TNFRSF10D: variants seen among roughly 807,000 people sequenced by gnomAD.
TNFRSF10D encodes tumor necrosis factor receptor superfamily member 10D.
TNFRSF10D carries 28 observed loss-of-function variants against 42.1 expected under a neutral mutation model. That is an observed-to-expected ratio of 0.66 (90% CI 0.49 to 0.91). The LOEUF is 0.91. Among genes scored for constraint, TNFRSF10D ranks in the 40% least tolerant of loss-of-function variants. TNFRSF10D has a pLI of 0.00. For synonymous variants in TNFRSF10D, 186 were observed against 189.4 expected (o/e 0.98, Z 0.15); for missense variants, 503 against 486.1 (o/e 1.03, Z -0.33).
At chr8:23,161,509 GGCA>G (rs1252406233) in intron 1 of TNFRSF10D, among the ~76,000 whole-genome samples, 845 of 152,036 alleles carry the variant, frequency 5.6e-3, no homozygotes, top group African/African-American at 0.018. Context: ...TTACAGGCGT[GGCA>G]GGTGGCAGGG....
intron 7 of TNFRSF10D, among the ~76,000 whole-genome samples, chr8:23,140,113 C>T (rs1380074776): frequency 2.0e-5 from 3 of 152,082 alleles, no homozygotes; most frequent in East Asian, 3.9e-4. Flanking sequence ...CACGGTGAAA[C>T]CCCACCTCTA....
At chr8:23,150,965 C>T (rs1436960925) in intron 2 of TNFRSF10D, among the ~76,000 whole-genome samples, 1 of 151,966 alleles carries the variant, frequency 6.6e-6, no homozygotes, top group Admixed American at 6.6e-5. Context: ...CAAGGAGCAT[C>T]AGAGAAAGTG....
At chr8:23,158,348 C>T (rs1800309960) in intron 1 of TNFRSF10D, among the ~76,000 whole-genome samples, 1 of 152,200 alleles carries the variant, frequency 6.6e-6, no homozygotes, top group Admixed American at 6.5e-5. Flanking sequence ...ACAAAATCAA[C>T]TTCATGTGAT....
chr8:23,142,402 G>T (rs1418868708), intron 7 of TNFRSF10D, among the ~76,000 whole-genome samples: 1 of 152,086 alleles, frequency 6.6e-6, no homozygotes, highest in Non-Finnish European at 1.5e-5. Flanking sequence ...TACACCATAG[G>T]TTACCACACA....
intron 7 of TNFRSF10D, among the ~76,000 whole-genome samples, chr8:23,139,481 G>A (rs149598407): frequency 1.6e-4 from 24 of 152,234 alleles, no homozygotes; most frequent in African/African-American, 5.3e-4. Context: ...AGAGGTGTTT[G>A]CTCTTTTGGA....
chr8:23,161,581 C>T (rs1432042044), intron 1 of TNFRSF10D, among the ~76,000 whole-genome samples: 1 of 152,208 alleles, frequency 6.6e-6, no homozygotes, highest in Non-Finnish European at 1.5e-5. Context: ...GTCTTCCCTG[C>T]CACCCTCCCC....
chr8:23,152,896 A>G (rs1360770344), intron 2 of TNFRSF10D, among the ~76,000 whole-genome samples: 906 of 152,200 alleles, frequency 6.0e-3, no homozygotes, highest in African/African-American at 0.019. Context: ...ACCACAAAAG[A>G]CCTCAAATAG....
intron 1 of TNFRSF10D, among the ~76,000 whole-genome samples, chr8:23,156,931 T>C (rs1250898737): frequency 1.3e-5 from 2 of 152,230 alleles, no homozygotes; most frequent in African/African-American, 4.8e-5. Flanking sequence ...CCTTGTTACT[T>C]TGGTTTAAAT....
chr8:23,149,997 T>A (rs989926065), intron 2 of TNFRSF10D, among the ~76,000 whole-genome samples: 1 of 152,046 alleles, frequency 6.6e-6, no homozygotes, highest in Admixed American at 6.5e-5. Context: ...CATGTCCCTA[T>A]GGAATAAAGA....
intron 2 of TNFRSF10D, among the ~76,000 whole-genome samples, chr8:23,149,365 G>A (rs1275737536): frequency 6.6e-6 from 1 of 151,354 alleles, no homozygotes; most frequent in East Asian, 2.0e-4. Context: ...AGCCTCCTGA[G>A]TAGCTGGGAT....
At chr8:23,144,016 G>A (rs1275757973) in intron 7 of TNFRSF10D, among the ~76,000 whole-genome samples, 1 of 152,188 alleles carries the variant, frequency 6.6e-6, no homozygotes, top group African/African-American at 2.4e-5. Flanking sequence ...CTTCCCAGAA[G>A]CCTCCTTACA....
chr8:23,144,366 A>T, intron 7 of TNFRSF10D, 84 bp downstream of exon 7: 1 of 1,480,212 alleles, frequency 6.8e-7, no homozygotes, highest in Non-Finnish European at 9.1e-7. Flanking sequence ...GGGCCAGGAA[A>T]GAGGAGGCAC....
rs61736076 is a variant in TNFRSF10D at position 23,138,189 on chromosome 8, G to C, written c.1026C>G (p.Asp342Glu). The C allele has an allele frequency of 1.7e-3, 2,669 of 1,613,846 alleles. No homozygotes were observed. In the African/African-American group the frequency reaches 0.019, roughly 12 times the overall value. ...CGTCTCAAGGCACAAAACACTTACTGTCAGCGGAGTCAGCGTCATTCACTG... is the reference window on the plus strand; with the variant it reads ...CGTCTCAAGGCACAAAACACTTACTCTCAGCGGAGTCAGCGTCATTCACTG... ...LVPVNDADSA[D>E]ISTLLDASAT... The change falls in exon 8 of 9, where the codon GAC becomes GAG. Residue 342 changes from aspartate (D) to glutamate (E), a missense_variant and splice_region_variant. Coordinates refer to ENST00000312584, the MANE Select transcript of TNFRSF10D (RefSeq NM_003840.5).
chr8:23,138,554 C>A (rs112534242), intron 7 of TNFRSF10D, among the ~76,000 whole-genome samples: 10,773 of 152,116 alleles, frequency 0.071, 1,196 homozygotes, highest in African/African-American at 0.25. Context: ...CCCAGAAAGT[C>A]CCCTTCTGCC....
chr8:23,162,188 T>C (rs1187307704), intron 1 of TNFRSF10D, among the ~76,000 whole-genome samples: 4 of 152,252 alleles, frequency 2.6e-5, no homozygotes, highest in African/African-American at 9.6e-5. Flanking sequence ...TGCATTGAAA[T>C]GCATTTAATA....
At chr8:23,147,899 A>G (rs1186817398) in intron 3 of TNFRSF10D, among the ~76,000 whole-genome samples, 1 of 151,854 alleles carries the variant, frequency 6.6e-6, no homozygotes, top group African/African-American at 2.4e-5. Context: ...CGTCTCTACT[A>G]AAAATACAAA....
Position 23,136,044 on chromosome 8 carries a change from T to C in TNFRSF10D, c.*1826A>G, listed in dbSNP as rs1047028000. The C allele has an allele frequency of 2.8e-4, 112 of 399,554 alleles. No individual in the cohort carries two copies. Among genetic ancestry groups the C allele is most frequent in the Non-Finnish European group, 4.7e-4 (95 of 200,850 alleles). The allele number at this position is 399,554 out of a possible 1,614,324, so 24.8% of individuals were successfully genotyped here. ...AACTCCATGGACACAACAATCTGAA[T>C]GTGCGAACTTCAGGCAGTTCTAACT... On this transcript the variant is annotated 3_prime_UTR_variant, in exon 9 of 9. Coordinates refer to ENST00000312584, the MANE Select transcript of TNFRSF10D (RefSeq NM_003840.5).
At chr8:23,147,573 G>GCA (rs1166560829) in intron 3 of TNFRSF10D, among the ~76,000 whole-genome samples, 2 of 152,118 alleles carry the variant, frequency 1.3e-5, no homozygotes, top group East Asian at 3.9e-4. Flanking sequence ...CTGTAATGAT[G>GCA]CCCCCACCCG....
intron 7 of TNFRSF10D, among the ~76,000 whole-genome samples, chr8:23,141,522 T>G (rs886447269): frequency 1.4e-5 from 2 of 146,180 alleles, no homozygotes; most frequent in Non-Finnish European, 3.0e-5. Flanking sequence ...AAAAAAAGTA[T>G]CAACAGAGTA....
Sources: gnomAD v4.1 joint callset for allele counts (sites outside exome capture counted in the v4.1 genomes callset) on GRCh38, gnomAD v4.1.1 for gene constraint, MANE v1.5 for transcripts, NCBI Gene and HGNC (gene_info 2026-07-23, HGNC 2026-07-21) for gene names.